The following PRLR variants were observed in gnomAD, a reference collection of about 807,000 sequenced individuals.
PRLR encodes hPRL receptor.
PRLR carries 13 observed loss-of-function variants against 40.2 expected under a neutral mutation model. The ratio of observed to expected loss-of-function variants is 0.32; its 90% confidence interval spans 0.21 to 0.51. The LOEUF is 0.51. Among genes scored for constraint, PRLR ranks in the 20% least tolerant of loss-of-function variants. The probability of loss-of-function intolerance (pLI) is 0.97; values close to 1 mark genes in which losing one functional copy is unlikely to be tolerated. For synonymous variants in PRLR, 269 were observed against 278.7 expected (o/e 0.97, Z 0.35); for missense variants, 656 against 747.3 (o/e 0.88, Z 1.42).
chr5:35,178,980 C>T (rs974093408), intron 1 of PRLR, among the ~76,000 whole-genome samples: 10 of 152,122 alleles, frequency 6.6e-5, no homozygotes, highest in African/African-American at 2.4e-4. Context: ...CTTCTGAGAC[C>T]TTTAGAGTGA....
chr5:35,099,439 A>C (rs1157519759), intron 2 of PRLR, among the ~76,000 whole-genome samples: 2 of 152,266 alleles, frequency 1.3e-5, no homozygotes, highest in African/African-American at 4.8e-5. Context: ...AGCGCATACA[A>C]TTATGTGCAG....
chr5:35,201,173 G>A (rs1312226846), intron 1 of PRLR, among the ~76,000 whole-genome samples: 4 of 152,152 alleles, frequency 2.6e-5, no homozygotes, highest in Non-Finnish European at 5.9e-5. Flanking sequence ...TGCATGCAGA[G>A]TTGTTATTAT....
intron 5 of PRLR, among the ~76,000 whole-genome samples, chr5:35,079,775 T>C (rs958249183): frequency 1.3e-5 from 2 of 152,202 alleles, no homozygotes; most frequent in African/African-American, 4.8e-5. Flanking sequence ...TCACACTACC[T>C]GACTTCAAAC....
At chr5:35,103,670 C>T (rs148960579) in intron 2 of PRLR, among the ~76,000 whole-genome samples, 133 of 152,284 alleles carry the variant, frequency 8.7e-4, no homozygotes, top group African/African-American at 3.0e-3. Context: ...GATGGTTTTT[C>T]ATCCTTGGCC....
In PRLR at chr5:35,063,739, C is replaced by T. The variant is rs1206839042; in HGVS notation, c.*1350G>A. 1 of 152,206 alleles carries T rather than the reference C, an allele frequency of 6.6e-6. No homozygotes were observed. The highest frequency in any genetic ancestry group is 2.4e-5 in the African/African-American group (1 of 41,460). The allele number at this position is 152,206 out of a possible 1,614,324, so 9.4% of individuals were successfully genotyped here. A position where few individuals can be genotyped will look rare whatever the true frequency, so the allele number is the denominator to read the frequency against. The stretch of plus-strand genomic sequence containing the variant: ...GATTTCTCACAAAAGCAAAACCTCT[C>T]TCTTTTAAACAGCTGTTAGAAATCG... On this transcript the variant is annotated 3_prime_UTR_variant, in exon 10 of 10. Coordinates refer to ENST00000618457, the MANE Select transcript of PRLR (RefSeq NM_000949.7).
intron 4 of PRLR, among the ~76,000 whole-genome samples, chr5:35,085,783 C>G (rs568302694): frequency 2.0e-5 from 3 of 152,280 alleles, no homozygotes; most frequent in Admixed American, 1.3e-4. Context: ...TTAAGAAACA[C>G]TTCTATGGGG....
At chr5:35,228,255 C>CAAAA (rs1561375681) in intron 1 of PRLR, among the ~76,000 whole-genome samples, 2 of 63,202 alleles carry the variant, frequency 3.2e-5, no homozygotes, top group African/African-American at 5.1e-5. Flanking sequence ...AAAAAAAAAG[C>CAAAA]AGCATTATTT....
At chr5:35,175,509 G>T (rs1198679667) in intron 1 of PRLR, among the ~76,000 whole-genome samples, 1 of 152,196 alleles carries the variant, frequency 6.6e-6, no homozygotes, top group Non-Finnish European at 1.5e-5. Flanking sequence ...GCTAGGTCCA[G>T]TATATAGTGA....
chr5:35,072,929 T>C (rs1381872290), intron 5 of PRLR, among the ~76,000 whole-genome samples, 185 bp from the exon 6 acceptor site: 2 of 152,222 alleles, frequency 1.3e-5, no homozygotes, highest in Non-Finnish European at 2.9e-5. Context: ...TATTTGTGCA[T>C]ACAGATGAGG....
intron 2 of PRLR, among the ~76,000 whole-genome samples, chr5:35,093,520 T>G (rs1241335296): frequency 6.6e-6 from 1 of 152,146 alleles, no homozygotes; most frequent in Non-Finnish European, 1.5e-5. Flanking sequence ...AACCTTCTAC[T>G]CAGGTTTTTG....
chr5:35,144,891 C>T (rs1389779266), intron 1 of PRLR, among the ~76,000 whole-genome samples: 1 of 152,120 alleles, frequency 6.6e-6, no homozygotes, highest in Admixed American at 6.6e-5. Context: ...GTAACTTTGC[C>T]TTTGATTTGC....
intron 1 of PRLR, among the ~76,000 whole-genome samples, chr5:35,129,640 G>C (rs1028209062): frequency 6.6e-6 from 1 of 151,784 alleles, no homozygotes; most frequent in Admixed American, 6.6e-5. Context: ...CATCACCACT[G>C]TAGTGATAGG....
Position 35,065,589 on chromosome 5 carries a change from C to T in PRLR, c.1369G>A (p.Asp457Asn), listed in dbSNP as rs201821820. The change falls in exon 10 of 10, where the codon GAT becomes AAT. Residue 457 changes from aspartate (D) to asparagine (N), a missense_variant. Asp to Asn is a conservative substitution (Grantham distance 23, BLOSUM62 1). This residue lies in a region of PRLR where 469 missense variants were observed against 491.5 expected (regional missense o/e 0.95). Coordinates refer to ENST00000618457, the MANE Select transcript of PRLR (RefSeq NM_000949.7). ...ATGGTTTGAGAGGATTTTAAAGCAT[C>T]TTTACCTGCTTCATTCAACAGAGTG... The part of the protein sequence containing the change: ...PATLLNEAGK[D>N]ALKSSQTIKS... The T allele has an allele frequency of 1.2e-5, 20 of 1,614,030 alleles. No individual in the cohort carries two copies. Among genetic ancestry groups the T allele is most frequent in the Non-Finnish European group, 1.6e-5 (19 of 1,180,050 alleles).
Position 35,066,446 on chromosome 5 carries a change from C to T in PRLR, c.856-344G>A, listed in dbSNP as rs139736979. 3.9e-5 allele frequency among the ~76,000 whole-genome samples: 6 copies of T among 152,274 alleles called. No individual in the cohort carries two copies. The East Asian group carries it at 7.7e-4, about 20-fold the overall frequency. ...GTGCTTATGCATGCATCTGACACTGCGGCCCACTGGCAGAGGTGTGGTTGC... is the reference window on the plus strand; with the variant it reads ...GTGCTTATGCATGCATCTGACACTGTGGCCCACTGGCAGAGGTGTGGTTGC... On this transcript the variant is annotated intron_variant, in intron 9 of 9. Coordinates refer to ENST00000618457, the MANE Select transcript of PRLR (RefSeq NM_000949.7).
intron 1 of PRLR, among the ~76,000 whole-genome samples, chr5:35,164,675 G>A (rs1774769306): frequency 6.6e-6 from 1 of 152,060 alleles, no homozygotes; most frequent in Non-Finnish European, 1.5e-5. Flanking sequence ...TTAAATTAGT[G>A]ATACAGATTT....
chr5:35,101,982 C>T (rs2111555556), intron 2 of PRLR, among the ~76,000 whole-genome samples: 1 of 151,980 alleles, frequency 6.6e-6, no homozygotes. Flanking sequence ...TGCGTGCCAC[C>T]ATGCCCAGCT....
chr5:35,065,371 C>T lies in PRLR; in HGVS notation c.1587G>A (p.Glu529=). 1.2e-6 allele frequency: 2 copies of T among 1,614,140 alleles called. No homozygotes were observed. Among genetic ancestry groups the T allele is most frequent in the African/African-American group, 1.3e-5 (1 of 75,026 alleles). The change falls in exon 10 of 10, where the codon GAG becomes GAA. Residue 529 remains glutamate (E), a synonymous_variant. Transcript: ENST00000618457. ...GALSLLPKQR[E]NSGKPKKPGT... is the part of the protein sequence containing the mutation. ...CGGGCTTCTTGGGCTTGCCGCTGTTCTCTCTCTGTTTTGGTAGCAATGATA... is the reference window on the plus strand; with the variant it reads ...CGGGCTTCTTGGGCTTGCCGCTGTTTTCTCTCTGTTTTGGTAGCAATGATA...
chr5:35,083,219 T>TG (rs1290325869), intron 5 of PRLR, among the ~76,000 whole-genome samples: 1 of 152,034 alleles, frequency 6.6e-6, no homozygotes, highest in Non-Finnish European at 1.5e-5. Flanking sequence ...ACAACAACCA[T>TG]GGGGCTCTCC....
At chr5:35,099,267 G>C (rs974713712) in intron 2 of PRLR, among the ~76,000 whole-genome samples, 1 of 152,184 alleles carries the variant, frequency 6.6e-6, no homozygotes, top group Non-Finnish European at 1.5e-5. Flanking sequence ...ACTGTAGACT[G>C]CATATATGGT....
Sources: allele counts gnomAD v4.1 joint callset (sites outside exome capture counted in the v4.1 genomes callset), GRCh38; gene constraint gnomAD v4.1.1; regional missense constraint gnomAD v4.1.1; transcripts MANE v1.5; gene names NCBI Gene and HGNC (gene_info 2026-07-23, HGNC 2026-07-21).